ZNF562: variants seen among roughly 807,000 people sequenced by gnomAD.
The protein encoded by ZNF562 is zinc finger protein 562.
A neutral mutation model predicts 17.5 loss-of-function variants in ZNF562; 13 were observed. The observed-to-expected ratio is 0.74, with a 90% confidence interval of 0.48 to 1.18. The LOEUF is 1.18. ZNF562 is among the 50% of genes most tolerant of loss of function. The pLI is 0.00. For synonymous variants in ZNF562, 163 were observed against 165.4 expected, an observed-to-expected ratio of 0.99 and a Z score of 0.11; for missense variants, 481 against 498.5, an observed-to-expected ratio of 0.96 and a Z score of 0.33.
At chr19:9,662,661 C>T (rs1047588498) in intron 1 of ZNF562, among the ~76,000 whole-genome samples, 1 of 151,844 alleles carries the variant, frequency 6.6e-6, no homozygotes, top group Admixed American at 6.6e-5. Context: ...GTAGGCAGAC[C>T]ACAAGGTCAG....
intron 1 of ZNF562, among the ~76,000 whole-genome samples, chr19:9,674,098 G>A (rs1056010522): frequency 1.4e-4 from 22 of 152,218 alleles, no homozygotes; most frequent in African/African-American, 3.6e-4. Flanking sequence ...GGCCCCTGCC[G>A]CTTTGTCCTT....
At chr19:9,664,443 T>C (rs1484819593) in intron 1 of ZNF562, among the ~76,000 whole-genome samples, 1 of 152,242 alleles carries the variant, frequency 6.6e-6, no homozygotes, top group African/African-American at 2.4e-5. Context: ...AAAACTATTA[T>C]GTTATGGTTA....
intron 1 of ZNF562, among the ~76,000 whole-genome samples, chr19:9,663,145 C>T (rs2043818615): frequency 6.6e-6 from 1 of 151,230 alleles, no homozygotes; most frequent in African/African-American, 2.4e-5. Context: ...GTGGCTCACA[C>T]CTGTAATCCC....
chr19:9,641,815 AC>A lies in ZNF562; in HGVS notation c.*11133del, dbSNP rs1165225359. 1 of 152,222 alleles carries A rather than the reference AC, an allele frequency of 6.6e-6. No individual in the cohort carries two copies. The allele number at this position is 152,222 out of a possible 1,614,324, so 9.4% of individuals were successfully genotyped here. ...GCACCTAGCAGGCTTTGTGCGAGCA[AC>A]AATGGCTGTGTATTACATCCGGATG... On this transcript the variant is annotated 3_prime_UTR_variant, in exon 6 of 6. Coordinates refer to ENST00000453372, the MANE Select transcript of ZNF562 (RefSeq NM_001130031.2).
intron 1 of ZNF562, among the ~76,000 whole-genome samples, chr19:9,671,689 T>C (rs1219942754): frequency 6.6e-6 from 1 of 152,246 alleles, no homozygotes; most frequent in Non-Finnish European, 1.5e-5. Context: ...GACCCAGTGA[T>C]ACTCAACGTG....
intron 1 of ZNF562, among the ~76,000 whole-genome samples, chr19:9,671,849 A>G (rs1198126257): frequency 6.6e-6 from 1 of 152,222 alleles, no homozygotes; most frequent in Non-Finnish European, 1.5e-5. Context: ...GTGGTTTGCC[A>G]CTAGCACATG....
rs115959976 is a variant in ZNF562 at position 9,662,882 on chromosome 19, A to T, written c.-130-2008T>A. 3.5e-3 allele frequency among the ~76,000 whole-genome samples: 526 copies of T among 151,538 alleles called. 4 individuals carry two copies. The highest frequency in any genetic ancestry group is 0.012 in the African/African-American group (491 of 41,368). Reference sequence around the variant, plus strand: ...CTAAAAATACAAACCTTAGCCACTCATGGATGCTGTAGTCCAACCTACTCA... The same window carrying T: ...CTAAAAATACAAACCTTAGCCACTCTTGGATGCTGTAGTCCAACCTACTCA... On this transcript the variant is annotated intron_variant, in intron 1 of 5. Transcript: ENST00000453372.
At position 9,664,047 on chromosome 19, in the gene ZNF562, AC is replaced by A. The variant is rs2043857078; in HGVS notation, c.-130-3174del. On this transcript the variant is annotated intron_variant, in intron 1 of 5. Transcript: ENST00000453372. Reference sequence around the variant, plus strand: ...TGAGATTACAGGTGTGAGCCACCACACCTGGTCTGTGAATTTGTTTTGTTTT... The same window carrying A: ...TGAGATTACAGGTGTGAGCCACCACACTGGTCTGTGAATTTGTTTTGTTTT... Among the ~76,000 whole-genome samples the A allele has an allele frequency of 9.9e-5, 15 of 151,820 alleles. 1 individual carries two copies. In the South Asian group the frequency reaches 3.1e-3, roughly 32 times the overall value.
At position 9,648,703 on chromosome 19, in the gene ZNF562, A is replaced by G. The variant is rs982805010; in HGVS notation, c.*4246T>C. On this transcript the variant is annotated 3_prime_UTR_variant, in exon 6 of 6. Transcript: ENST00000453372. ...TTTTTTTTTGAGATGGGGTCTTGCT[A>G]TGTTGCCTAAGCTGGTCTAGAACCC... 1 of 145,672 alleles carries G rather than the reference A, an allele frequency of 6.9e-6. No individual in the cohort carries two copies. Among genetic ancestry groups the G allele is most frequent in the Non-Finnish European group, 1.5e-5 (1 of 66,484 alleles). 9.0% of individuals were successfully genotyped at this position (145,672 alleles called of 1,614,324 possible). A position where few individuals can be genotyped will look rare whatever the true frequency, so the allele number is the denominator to read the frequency against.
intron 4 of ZNF562, among the ~76,000 whole-genome samples, chr19:9,656,871 A>AATATATATAT (rs142526474): frequency 9.6e-4 from 137 of 142,436 alleles, no homozygotes; most frequent in African/African-American, 2.2e-3. Flanking sequence ...AAAATACAAA[A>AATATATATAT]ATATATATAT....
In ZNF562 at chr19:9,650,456, T is replaced by C. The variant is rs1439207598; in HGVS notation, c.*2493A>G. 1 of 149,592 alleles carries C rather than the reference T, an allele frequency of 6.7e-6. No homozygotes were observed. Among genetic ancestry groups the C allele is most frequent in the Non-Finnish European group, 1.5e-5 (1 of 67,500 alleles). 9.3% of individuals were successfully genotyped at this position (149,592 alleles called of 1,614,324 possible). ...GTGACCCCCCAAATTTCATATGAAGTTCCAAACCTCAATGTGACTGTATGT... is the reference window on the plus strand; with the variant it reads ...GTGACCCCCCAAATTTCATATGAAGCTCCAAACCTCAATGTGACTGTATGT... On this transcript the variant is annotated 3_prime_UTR_variant, in exon 6 of 6. Transcript: ENST00000453372.
rs1325691376 is a variant in ZNF562, at chr19:9,650,893, G to A, written c.*2056C>T. 7.1e-6 allele frequency: 1 copy of A among 141,738 alleles called. No homozygotes were observed. Among genetic ancestry groups the A allele is most frequent in the African/African-American group, 2.7e-5 (1 of 37,274 alleles). 8.8% of individuals were successfully genotyped at this position (141,738 alleles called of 1,614,324 possible). ...CACTGGAACTCAGGAGGTGGAGGTT[G>A]CGGTGAGCCAAGATCATACCATTGC... is the stretch of plus-strand genomic sequence containing the variant. On this transcript the variant is annotated 3_prime_UTR_variant, in exon 6 of 6. Coordinates refer to ENST00000453372, the MANE Select transcript of ZNF562 (RefSeq NM_001130031.2).
chr19:9,669,476 G>T (rs551076416), intron 1 of ZNF562, among the ~76,000 whole-genome samples: 2 of 152,238 alleles, frequency 1.3e-5, no homozygotes, highest in Non-Finnish European at 2.9e-5. Context: ...TGAGGATATG[G>T]TGAAAAGATA....
intron 1 of ZNF562, among the ~76,000 whole-genome samples, chr19:9,666,444 A>T (rs2043964097): frequency 1.3e-5 from 2 of 152,136 alleles, no homozygotes; most frequent in Admixed American, 1.3e-4. Flanking sequence ...AAACACATAC[A>T]TCAAAAAAGT....
rs138462073 is a variant in ZNF562, at chr19:9,657,672, G to A, written c.241+337C>T. The stretch of plus-strand genomic sequence containing the variant: ...AGCGATTCTACTGCCTCAGCCTCCC[G>A]AGTAACTGGGACTACAGGCATGTGC... On this transcript the variant is annotated intron_variant, in intron 4 of 5. Coordinates refer to ENST00000453372, the MANE Select transcript of ZNF562 (RefSeq NM_001130031.2). 4.9e-3 allele frequency among the ~76,000 whole-genome samples: 729 copies of A among 150,008 alleles called. 6 individuals carry two copies. Among genetic ancestry groups the A allele is most frequent in the African/African-American group, 0.016 (666 of 40,792 alleles).
In ZNF562 at chr19:9,643,061, AAAGAAC is replaced by A. The variant is rs1220154595; in HGVS notation, c.*9882_*9887del. 7.8e-5 allele frequency: 11 copies of A among 141,800 alleles called. No individual in the cohort carries two copies. The highest frequency in any genetic ancestry group is 7.0e-3 in the Middle Eastern group (2 of 284). 8.8% of individuals were successfully genotyped at this position (141,800 alleles called of 1,614,324 possible). On this transcript the variant is annotated 3_prime_UTR_variant, in exon 6 of 6. Transcript: ENST00000453372. ...TGTCTCTGGAAAAAAAAAAAAAAAA[AAAGAAC>A]ACCACCGGCCACTGTGGCTCATTCC...
At chr19:9,671,057 G>C (rs1386032607) in intron 1 of ZNF562, among the ~76,000 whole-genome samples, 1 of 149,572 alleles carries the variant, frequency 6.7e-6, no homozygotes, top group Non-Finnish European at 1.5e-5. Context: ...GAAGAAATAA[G>C]AACTGGTATT....
rs752202338 is a variant in ZNF562, at chr19:9,649,070, T to C, written c.*3879A>G. ...GGCAGAAAAACATGGATTGTGAAGG[T>C]TTCATGGACATTTATTAGTTCCCCA... On this transcript the variant is annotated 3_prime_UTR_variant, in exon 6 of 6. Coordinates refer to ENST00000453372, the MANE Select transcript of ZNF562 (RefSeq NM_001130031.2). The C allele has an allele frequency of 2.0e-5, 3 of 152,104 alleles. No individual in the cohort carries two copies. Among genetic ancestry groups the C allele is most frequent in the Admixed American group, 6.5e-5 (1 of 15,270 alleles). The allele number at this position is 152,104 out of a possible 1,614,324, so 9.4% of individuals were successfully genotyped here.
chr19:9,664,400 C>T (rs1207448456), intron 1 of ZNF562, among the ~76,000 whole-genome samples: 1 of 152,142 alleles, frequency 6.6e-6, no homozygotes, highest in Non-Finnish European at 1.5e-5. Flanking sequence ...AGGGGCTGCA[C>T]ATTTTGGGTT....
Sources: gnomAD v4.1 joint callset for allele counts (sites outside exome capture counted in the v4.1 genomes callset) on GRCh38, gnomAD v4.1.1 for gene constraint, MANE v1.5 for transcripts, NCBI Gene and HGNC (gene_info 2026-07-23, HGNC 2026-07-21) for gene names.